Variants in DPP6 observed in about 807,000 individuals in gnomAD.
DPP6 encodes the protein dipeptidyl peptidase like 6.
DPP6 carries 69 observed loss-of-function variants against 122.6 expected under a neutral mutation model. The ratio of observed to expected loss-of-function variants is 0.56; its 90% CI spans 0.46 to 0.69. The LOEUF (loss-of-function observed/expected upper bound fraction) is 0.69, where lower values mean the gene tolerates loss of function less well. Among genes scored for constraint, DPP6 ranks in the 30% least tolerant of loss-of-function variants. DPP6 has a pLI of 0.00. For missense variants in DPP6, 928 were observed against 1,116.9 expected (o/e 0.83, Z 2.41); for synonymous variants, 418 against 433.1 (o/e 0.97, Z 0.43).
chr7:154,303,701 G>A (rs756116931), intron 1 of DPP6, among the ~76,000 whole-genome samples: 2 of 152,118 alleles, frequency 1.3e-5, no homozygotes, highest in Non-Finnish European at 2.9e-5. Flanking sequence ...GGTTTCACAC[G>A]GGGTTTTCAT....
chr7:154,085,224 C>T (rs998864564), intron 1 of DPP6, among the ~76,000 whole-genome samples: 2 of 151,988 alleles, frequency 1.3e-5, no homozygotes, highest in South Asian at 2.1e-4. Flanking sequence ...TCTGGAATGT[C>T]CTTTTATCTT....
At chr7:154,668,197 T>TATATATATATATA (rs1838288618) in intron 6 of DPP6, among the ~76,000 whole-genome samples, 21 of 36,474 alleles carry the variant, frequency 5.8e-4, no homozygotes, top group African/African-American at 7.7e-4. Flanking sequence ...TGTGTATATT[T>TATATATATATATA]TATATATATA....
chr7:154,790,366 C>G (rs1427107030), intron 10 of DPP6, among the ~76,000 whole-genome samples: 1 of 152,148 alleles, frequency 6.6e-6, no homozygotes, highest in African/African-American at 2.4e-5. Context: ...TGATAAATGG[C>G]AACAGGATTA....
intron 5 of DPP6, among the ~76,000 whole-genome samples, chr7:154,616,240 G>A (rs1373801965): frequency 6.6e-6 from 1 of 152,162 alleles, no homozygotes; most frequent in African/African-American, 2.4e-5. Flanking sequence ...GAGTGGTTCT[G>A]TCTGGAGCTG....
rs1389443759 is a variant in DPP6 at position 154,130,417 on chromosome 7, T to C, written c.243+77354T>C. Among the ~76,000 whole-genome samples, 6 of 152,216 alleles carry C rather than the reference T, an allele frequency of 3.9e-5. No individual in the cohort carries two copies. In the East Asian group the frequency reaches 1.2e-3, roughly 29 times the overall value. On this transcript the variant is annotated intron_variant, in intron 1 of 25. Transcript: ENST00000377770. ...GCCGGTTTCCTCATCTGTAGGATTA[T>C]GTCACACTATCTACCCTGATTTCAT...
intron 1 of DPP6, among the ~76,000 whole-genome samples, chr7:153,949,189 G>A (rs1802090027): frequency 6.6e-6 from 1 of 152,188 alleles, no homozygotes; most frequent in South Asian, 2.1e-4. Context: ...CCACACTGAT[G>A]GATGTCTGGA....
At chr7:154,373,018 G>A (rs915862019) in intron 1 of DPP6, among the ~76,000 whole-genome samples, 3 of 152,194 alleles carry the variant, frequency 2.0e-5, no homozygotes, top group African/African-American at 7.2e-5. Context: ...TCACAGCTCA[G>A]TTAGTGCCTC....
chr7:154,753,122 T>C (rs1028065371), intron 8 of DPP6, among the ~76,000 whole-genome samples: 2 of 152,192 alleles, frequency 1.3e-5, no homozygotes, highest in Admixed American at 6.5e-5. Flanking sequence ...ACCTTCACGC[T>C]TGCCTCCTGC....
intron 1 of DPP6, among the ~76,000 whole-genome samples, chr7:154,123,356 A>G (rs186575367): frequency 4.2e-4 from 64 of 152,356 alleles, no homozygotes; most frequent in African/African-American, 1.5e-3. Context: ...TTAAAGCTCA[A>G]TCTGAAAGCT....
At chr7:154,333,343 A>T (rs1343493543) in intron 1 of DPP6, among the ~76,000 whole-genome samples, 1 of 152,094 alleles carries the variant, frequency 6.6e-6, no homozygotes, top group Non-Finnish European at 1.5e-5. Flanking sequence ...ATTTTCTATC[A>T]GTTCCTGAAA....
At position 154,611,853 on chromosome 7, in the gene DPP6, ATATGTG is replaced by A. The variant is rs1437582666; in HGVS notation, c.628-25966_628-25961del. Reference sequence around the variant, plus strand: ...TTAGATTTCTCCATTTTGCTTTCATATATGTGTGTGTGTGTGTGTGTGTGTGGTGTA... The same window carrying A: ...TTAGATTTCTCCATTTTGCTTTCATATGTGTGTGTGTGTGTGTGTGGTGTA... On this transcript the variant is annotated intron_variant, in intron 5 of 25. Transcript: ENST00000377770. Among the ~76,000 whole-genome samples the A allele has an allele frequency of 3.5e-3, 515 of 147,930 alleles. 3 individuals carry two copies. Among genetic ancestry groups the A allele is most frequent in the Admixed American group, 0.023 (346 of 14,948 alleles).
At chr7:153,805,537 A>G in the DPP6 span, among the ~76,000 whole-genome samples, 1 of 152,218 alleles carries the variant, frequency 6.6e-6, no homozygotes, top group African/African-American at 2.4e-5. Flanking sequence ...TTATAGCAGC[A>G]TGATTTATAT....
At chr7:154,102,355 AATTTTTGT>A (rs1805803904) in intron 1 of DPP6, among the ~76,000 whole-genome samples, 3 of 151,958 alleles carry the variant, frequency 2.0e-5, no homozygotes, top group Admixed American at 6.6e-5. Context: ...ACGCCCAGCT[AATTTTTGT>A]ATTTTTGTAG....
chr7:154,460,445 T>C (rs1821201072), intron 2 of DPP6, among the ~76,000 whole-genome samples: 1 of 152,214 alleles, frequency 6.6e-6, no homozygotes. Context: ...ATGTGTTTCA[T>C]AACCACGTGG....
chr7:154,073,999 CTATG>C (rs541968723), intron 1 of DPP6, among the ~76,000 whole-genome samples: 3,860 of 148,376 alleles, frequency 0.026, 15 homozygotes, highest in African/African-American at 0.08. Flanking sequence ...AAATATATAT[CTATG>C]TATGTATGTA....
intron 1 of DPP6, among the ~76,000 whole-genome samples, chr7:154,344,293 G>A (rs1810201967): frequency 6.6e-6 from 1 of 152,088 alleles, no homozygotes; most frequent in Non-Finnish European, 1.5e-5. Context: ...TTTTCTAACT[G>A]GCAGACAGGC....
intron 1 of DPP6, among the ~76,000 whole-genome samples, chr7:154,019,270 T>C (rs1202089764): frequency 2.6e-5 from 4 of 152,150 alleles, no homozygotes; most frequent in Non-Finnish European, 5.9e-5. Context: ...AAAACAAATA[T>C]CCTGTCTAAA....
intron 16 of DPP6, among the ~76,000 whole-genome samples, chr7:154,840,174 C>T (rs765024370): frequency 2.0e-5 from 3 of 152,210 alleles, no homozygotes; most frequent in Non-Finnish European, 4.4e-5. Context: ...GTCAGCCCAC[C>T]TGGTCATCCC....
At chr7:154,705,166 G>T (rs1840758909) in intron 7 of DPP6, among the ~76,000 whole-genome samples, 1 of 152,176 alleles carries the variant, frequency 6.6e-6, no homozygotes, top group African/African-American at 2.4e-5. Flanking sequence ...TGTAACTGTA[G>T]CCAAAGAAGT....
Sources: allele counts gnomAD v4.1 joint callset (sites outside exome capture counted in the v4.1 genomes callset), GRCh38; gene constraint gnomAD v4.1.1; transcripts MANE v1.5; gene names NCBI Gene and HGNC (gene_info 2026-07-23, HGNC 2026-07-21).